The following SOD2 variants were observed in gnomAD, a reference collection of about 807,000 sequenced individuals.
SOD2 encodes superoxide dismutase [Mn], mitochondrial.
SOD2 carries 11 observed loss-of-function variants against 27.0 expected under a neutral mutation model. The ratio of observed to expected loss-of-function variants is 0.41; its 90% confidence interval spans 0.26 to 0.67. The LOEUF (loss-of-function observed/expected upper bound fraction) is 0.67, where lower values mean the gene tolerates loss of function less well. SOD2 is among the 30% of genes least tolerant of loss of function. The pLI, the probability that SOD2 is intolerant of heterozygous loss-of-function variation, is 0.34. For missense variants in SOD2, 250 were observed against 274.5 expected, an observed-to-expected ratio of 0.91 and a Z score of 0.63; for synonymous variants, 105 against 103.0, an observed-to-expected ratio of 1.02 and a Z score of -0.12.
chr6:159,739,719 G>T (rs1476208633), intron 1 of SOD2, among the ~76,000 whole-genome samples: 5 of 151,368 alleles, frequency 3.3e-5, no homozygotes, highest in African/African-American at 1.2e-4. Flanking sequence ...GGAGAGAAAA[G>T]ATGTTTTGTG....
chr6:159,705,135 A>G (rs909145321), intron 1 of SOD2, among the ~76,000 whole-genome samples: 2 of 152,224 alleles, frequency 1.3e-5, no homozygotes, highest in Non-Finnish European at 2.9e-5. Flanking sequence ...CACCGTCATC[A>G]AAGAACAAAG....
rs1419069594 is a variant in SOD2 at position 159,674,144 on chromosome 6, C to T, written c.*8349G>A. 1 of 152,196 alleles carries T rather than the reference C, an allele frequency of 6.6e-6. No individual in the cohort carries two copies. Among genetic ancestry groups the T allele is most frequent in the Non-Finnish European group, 1.5e-5 (1 of 68,048 alleles). The allele number at this position is 152,196 out of a possible 1,614,324, so 9.4% of individuals were successfully genotyped here. ...AAAAAAGTCCAGGACAAGATGGATT[C>T]ACAGCCGAATTCTACCAGAGGTACA... is the stretch of plus-strand genomic sequence containing the variant. On this transcript the variant is annotated 3_prime_UTR_variant, in exon 5 of 5. Coordinates refer to ENST00000538183, the MANE Select transcript of SOD2 (RefSeq NM_000636.4).
At chr6:159,732,714 C>T (rs1344500550) in intron 1 of SOD2, among the ~76,000 whole-genome samples, 2 of 152,042 alleles carry the variant, frequency 1.3e-5, no homozygotes, top group African/African-American at 2.4e-5. Flanking sequence ...ATCTCAGCTA[C>T]TCTGGAGGCT....
intron 1 of SOD2, among the ~76,000 whole-genome samples, chr6:159,733,832 C>A (rs1318278222): frequency 6.6e-6 from 1 of 152,150 alleles, no homozygotes; most frequent in African/African-American, 2.4e-5. Flanking sequence ...AGGAGAATTG[C>A]TTGAACCCAG....
rs1270352591 is a variant in SOD2, at chr6:159,669,666, AT to A, written c.*12826del. 1.3e-5 allele frequency: 2 copies of A among 152,344 alleles called. No individual in the cohort carries two copies. Among genetic ancestry groups the A allele is most frequent in the South Asian group, 4.1e-4 (2 of 4,826 alleles). 9.4% of individuals were successfully genotyped at this position (152,344 alleles called of 1,614,324 possible). On this transcript the variant is annotated 3_prime_UTR_variant, in exon 5 of 5. Coordinates refer to ENST00000538183, the MANE Select transcript of SOD2 (RefSeq NM_000636.4). ...ACAAAAAAATTTTCTTAATAAAAAA[AT>A]ATGATTATATCTTGCATGAATTGAT... is the stretch of plus-strand genomic sequence containing the variant.
chr6:159,754,512 T>A (rs1779932835), intron 1 of SOD2, among the ~76,000 whole-genome samples: 1 of 152,192 alleles, frequency 6.6e-6, no homozygotes, highest in Non-Finnish European at 1.5e-5. Context: ...TTAACTTGGT[T>A]GCTTAATACA....
chr6:159,717,927 GTA>G (rs971929694), intron 1 of SOD2, among the ~76,000 whole-genome samples: 95 of 141,926 alleles, frequency 6.7e-4, no homozygotes, highest in South Asian at 2.7e-3. Context: ...GTGTGTGTGT[GTA>G]TATGTGTATA....
chr6:159,727,100 C>T, intron 1 of SOD2: 1 of 1,193,964 alleles, frequency 8.4e-7, no homozygotes, highest in East Asian at 5.9e-5. Context: ...CCTCGCTGGC[C>T]CGCCCCTCCC....
At chr6:159,684,804 T>G (rs780362208) in intron 4 of SOD2, 50 bp downstream of exon 4, 1 of 1,446,514 alleles carries the variant, frequency 6.9e-7, no homozygotes, top group Non-Finnish European at 9.5e-7. Flanking sequence ...AGTTGAATGC[T>G]TTACAGTAGA....
upstream of SOD2, chr6:159,727,833 GTC>G (rs1027686886): frequency 1.5e-6 from 1 of 647,714 alleles, no homozygotes; most frequent in African/African-American, 2.0e-5. Context: ...TGCGGCACCG[GTC>G]TCTCGTGAGC....
intron 1 of SOD2, among the ~76,000 whole-genome samples, chr6:159,711,634 CCAT>C: frequency 9.1e-6 from 1 of 110,360 alleles, no homozygotes; most frequent in African/African-American, 3.2e-5. Context: ...GCTCTGACCA[CCAT>C]AACCACCTCC....
intron 1 of SOD2, 87 bp downstream of exon 1, chr6:159,693,058 C>A (rs1777308864): frequency 1.2e-5 from 18 of 1,494,650 alleles, no homozygotes; most frequent in East Asian, 2.8e-5. Flanking sequence ...AGGCCCGGTG[C>A]GGCCACTGTC....
At chr6:159,718,012 TAGGG>T (rs1777955574) in intron 1 of SOD2, among the ~76,000 whole-genome samples, 1 of 151,822 alleles carries the variant, frequency 6.6e-6, no homozygotes, top group African/African-American at 2.4e-5. Flanking sequence ...CTTTCTGGGA[TAGGG>T]TCTCTCCCCT....
At chr6:159,730,266 G>A (rs574708626), upstream of SOD2, among the ~76,000 whole-genome samples, 3 of 152,242 alleles carry the variant, frequency 2.0e-5, no homozygotes, top group East Asian at 5.8e-4. Flanking sequence ...CATAAGAACT[G>A]AACATATTTT....
chr6:159,751,102 T>A (rs1779803581), intron 1 of SOD2, among the ~76,000 whole-genome samples: 1 of 152,240 alleles, frequency 6.6e-6, no homozygotes, highest in Admixed American at 6.5e-5. Context: ...GGTTGATTTT[T>A]TTGTTTGTAA....
At position 159,718,489 on chromosome 6, in the gene SOD2, A is replaced by T. The variant is rs57991030; in HGVS notation, c.-116+8640T>A. On this transcript the variant is annotated intron_variant, in intron 1 of 2. Transcript: ENST00000401980. ...ATAACAATCTACTGAATTATTTTTTAAAAAAAACTTAGAATGTCAGAAGTC... is the reference window on the plus strand; with the variant it reads ...ATAACAATCTACTGAATTATTTTTTTAAAAAAACTTAGAATGTCAGAAGTC... Among the ~76,000 whole-genome samples, 281 of 152,172 alleles carry T rather than the reference A, an allele frequency of 1.8e-3. 1 individual carries two copies. The East Asian group carries it at 0.019, about 10-fold the overall frequency.
At chr6:159,747,846 T>G (rs1779665110), upstream of SOD2, among the ~76,000 whole-genome samples, 1 of 152,148 alleles carries the variant, frequency 6.6e-6, no homozygotes, top group Non-Finnish European at 1.5e-5. Context: ...GTCCCAGATT[T>G]GGAGATGTAA....
At chr6:159,687,058 G>T (rs143930526) in intron 3 of SOD2, among the ~76,000 whole-genome samples, 1 of 152,312 alleles carries the variant, frequency 6.6e-6, no homozygotes, top group African/African-American at 2.4e-5. Context: ...AGTTAGGAAA[G>T]AGTGAAAAAT....
At chr6:159,728,259 C>T (rs1286433608), upstream of SOD2, among the ~76,000 whole-genome samples, 1 of 152,100 alleles carries the variant, frequency 6.6e-6, no homozygotes, top group Non-Finnish European at 1.5e-5. Flanking sequence ...CCCTGTGAGA[C>T]AGTTACTAGA....
Sources: gnomAD v4.1 joint callset for allele counts (sites outside exome capture counted in the v4.1 genomes callset) on GRCh38, gnomAD v4.1.1 for gene constraint, MANE v1.5 for transcripts, NCBI Gene and HGNC (gene_info 2026-07-23, HGNC 2026-07-21) for gene names.